Variants in QTGAL observed in about 807,000 individuals in gnomAD.
The protein encoded by QTGAL is queuosine-tRNA galactosyltransferase.
At chr17:82,948,801 A>C in the QTGAL span, 5 of 152,288 alleles carry the variant, frequency 3.3e-5, no homozygotes, top group Admixed American at 2.6e-4. Flanking sequence ...TGTAATCAAA[A>C]GAAATTCCAG....
the QTGAL span, among the ~76,000 whole-genome samples, chr17:82,995,151 C>T: frequency 3.3e-5 from 5 of 152,242 alleles, no homozygotes; most frequent in African/African-American, 9.6e-5. Context: ...CCTACTGTCA[C>T]CACTGTTATT....
chr17:83,012,563 C>T, the QTGAL span, among the ~76,000 whole-genome samples: 2 of 152,302 alleles, frequency 1.3e-5, no homozygotes, highest in South Asian at 2.1e-4. Flanking sequence ...GCTCACGGGC[C>T]GGCACAGGGT....
At chr17:83,029,475 G>A in the QTGAL span, among the ~76,000 whole-genome samples, 2 of 152,308 alleles carry the variant, frequency 1.3e-5, no homozygotes, top group East Asian at 1.9e-4. Flanking sequence ...GGAGGCAGGG[G>A]ATAAGCATCG....
chr17:82,956,041 T>C, the QTGAL span, among the ~76,000 whole-genome samples: 6 of 151,846 alleles, frequency 4.0e-5, no homozygotes, highest in African/African-American at 7.3e-5. The surrounding 1 kb of genome is among the most constrained non-coding windows in gnomAD (Gnocchi z 5.7). Context: ...GACAAACACC[T>C]AATGCATGCG....
the QTGAL span, among the ~76,000 whole-genome samples, chr17:82,979,925 C>T: frequency 8.1e-4 from 123 of 152,220 alleles, 9 homozygotes; most frequent in Non-Finnish European, 1.5e-5. Context: ...CAGACCCACA[C>T]TCTGTGGTCA....
chr17:82,997,914 T>G, the QTGAL span, among the ~76,000 whole-genome samples: 1 of 111,002 alleles, frequency 9.0e-6, no homozygotes, highest in South Asian at 3.0e-4. Flanking sequence ...GGAAGGTTAA[T>G]GGGTTTAAAA....
At chr17:82,953,042 C>G in the QTGAL span, among the ~76,000 whole-genome samples, 1 of 152,122 alleles carries the variant, frequency 6.6e-6, no homozygotes, top group African/African-American at 2.4e-5. Flanking sequence ...ACAGCTAAAG[C>G]AGTGTTAAGA....
chr17:82,942,591 C>G, the QTGAL span: 1 of 1,268,758 alleles, frequency 7.9e-7, no homozygotes, highest in African/African-American at 1.5e-5. Context: ...CCCTTGGAGG[C>G]TGGCACTAGC....
the QTGAL span, chr17:82,947,050 TC>T: frequency 7.1e-7 from 1 of 1,414,058 alleles, no homozygotes; most frequent in Non-Finnish European, 9.7e-7. Flanking sequence ...TGGAGCCTCC[TC>T]CAGGGCCAGG....
chr17:83,014,270 T>C, the QTGAL span, among the ~76,000 whole-genome samples: 2 of 152,160 alleles, frequency 1.3e-5, no homozygotes, highest in African/African-American at 4.8e-5. Context: ...ATCAGGGGCA[T>C]GTTTTTCTCC....
the QTGAL span, among the ~76,000 whole-genome samples, chr17:83,047,334 A>G: frequency 6.6e-6 from 1 of 152,156 alleles, no homozygotes; most frequent in African/African-American, 2.4e-5. Flanking sequence ...ACCTAATGTC[A>G]TCCTAATACT....
chr17:82,965,633 C>G, the QTGAL span: 7 of 1,584,972 alleles, frequency 4.4e-6, no homozygotes, highest in Non-Finnish European at 6.0e-6. Flanking sequence ...GGACCTGATT[C>G]CCGCCTTCGG....
the QTGAL span, among the ~76,000 whole-genome samples, chr17:82,982,061 C>T: frequency 2.0e-4 from 30 of 147,298 alleles, no homozygotes; most frequent in Admixed American, 4.7e-4. Flanking sequence ...ATGGGCCAAG[C>T]GGGTGGAGGA....
the QTGAL span, among the ~76,000 whole-genome samples, chr17:83,012,336 A>G: frequency 6.6e-6 from 1 of 152,234 alleles, no homozygotes; most frequent in Non-Finnish European, 1.5e-5. Flanking sequence ...GAACTGCCAA[A>G]GGCAACTCCA....
At chr17:83,009,813 C>A in the QTGAL span, among the ~76,000 whole-genome samples, 6 of 151,994 alleles carry the variant, frequency 3.9e-5, no homozygotes, top group African/African-American at 1.5e-4. Flanking sequence ...GTTTCTGGCA[C>A]AGACTCAAGA....
the QTGAL span, among the ~76,000 whole-genome samples, chr17:82,963,311 C>T: frequency 6.6e-6 from 1 of 152,334 alleles, no homozygotes; most frequent in South Asian, 2.1e-4. Context: ...CCAGCGCCAC[C>T]CGCCCTTCTC....
the QTGAL span, chr17:83,011,569 T>C: frequency 6.6e-6 from 1 of 152,246 alleles, no homozygotes; most frequent in Admixed American, 6.5e-5. Context: ...ACAGCCTTTC[T>C]AAAGCTGACT....
chr17:83,006,828 C>T, the QTGAL span: 2 of 984,306 alleles, frequency 2.0e-6, no homozygotes, highest in South Asian at 9.4e-5. This position sits in a 1 kb window ranked among gnomAD's most constrained non-coding sequence, Gnocchi z 5.8. Flanking sequence ...ACAGCGTCTT[C>T]AATCCACTGG....
chr17:83,001,386 C>G, the QTGAL span, among the ~76,000 whole-genome samples: 1,869 of 152,306 alleles, frequency 0.012, 40 homozygotes, highest in African/African-American at 0.043. Flanking sequence ...GCAATGTATG[C>G]ACCTTCTTTA....
Sources: allele counts gnomAD v4.1 joint callset (sites outside exome capture counted in the v4.1 genomes callset), GRCh38; gene constraint gnomAD v4.1.1; non-coding constraint Gnocchi (gnomAD v3.1); transcripts MANE v1.5; gene names NCBI Gene and HGNC (gene_info 2026-07-23, HGNC 2026-07-21).